SCHIP1: variants seen among roughly 807,000 people sequenced by gnomAD.
SCHIP1 encodes schwannomin-interacting protein 1.
Under a neutral mutation model 29.7 loss-of-function variants are expected in SCHIP1, and 8 were observed. The observed-to-expected ratio is 0.27, with a 90% CI of 0.16 to 0.49. The LOEUF is 0.49. Among genes scored for constraint, SCHIP1 ranks in the 20% least tolerant of loss-of-function variants. SCHIP1 has a pLI of 0.99. For missense variants in SCHIP1, 193 were observed against 294.6 expected, an observed-to-expected ratio of 0.66 and a Z score of 2.52; for synonymous variants, 76 against 94.9, an observed-to-expected ratio of 0.80 and a Z score of 1.16.
At chr3:159,697,547 G>A in the SCHIP1 span, among the ~76,000 whole-genome samples, 5 of 152,212 alleles carry the variant, frequency 3.3e-5, no homozygotes, top group Non-Finnish European at 7.3e-5. Flanking sequence ...TTCTGGAACA[G>A]AGTAGGTGCT....
chr3:159,610,010 G>A, the SCHIP1 span, among the ~76,000 whole-genome samples: 1 of 152,120 alleles, frequency 6.6e-6, no homozygotes, highest in African/African-American at 2.4e-5. Context: ...ACTATACTAA[G>A]CATTATTTTG....
At chr3:159,304,793 C>T in the SCHIP1 span, among the ~76,000 whole-genome samples, 1 of 152,146 alleles carries the variant, frequency 6.6e-6, no homozygotes, top group Admixed American at 6.5e-5. Flanking sequence ...ATCCTCAATT[C>T]TCATTATTTA....
At chr3:159,520,759 T>C in the SCHIP1 span, among the ~76,000 whole-genome samples, 2 of 152,264 alleles carry the variant, frequency 1.3e-5, no homozygotes, top group African/African-American at 4.8e-5. Context: ...TTTTAAAACA[T>C]GCCATCAATC....
chr3:159,749,593 T>C, the SCHIP1 span, among the ~76,000 whole-genome samples: 43 of 152,322 alleles, frequency 2.8e-4, 1 homozygote, highest in South Asian at 3.7e-3. Flanking sequence ...TGGAGAGCCA[T>C]GCAGAACCCC....
the SCHIP1 span, among the ~76,000 whole-genome samples, chr3:159,417,540 C>G: frequency 1.3e-5 from 2 of 152,146 alleles, no homozygotes; most frequent in Non-Finnish European, 2.9e-5. Context: ...TGGCATCCTT[C>G]TAAACATTTT....
At chr3:159,289,581 T>G in the SCHIP1 span, among the ~76,000 whole-genome samples, 2 of 152,222 alleles carry the variant, frequency 1.3e-5, no homozygotes, top group Non-Finnish European at 2.9e-5. Flanking sequence ...TCAAACTGCA[T>G]GCTAGTGTTT....
At chr3:159,390,126 T>G in the SCHIP1 span, among the ~76,000 whole-genome samples, 92 of 152,168 alleles carry the variant, frequency 6.0e-4, no homozygotes, top group Non-Finnish European at 1.2e-3. Flanking sequence ...ATTTAACATA[T>G]TATTGACTCC....
the SCHIP1 span, among the ~76,000 whole-genome samples, chr3:159,332,771 G>T: frequency 6.6e-6 from 1 of 152,176 alleles, no homozygotes; most frequent in Non-Finnish European, 1.5e-5. Flanking sequence ...GGGCCTTGGG[G>T]GTGGGCAGGG....
At chr3:159,778,377 C>CA in the SCHIP1 span, among the ~76,000 whole-genome samples, 1 of 152,104 alleles carries the variant, frequency 6.6e-6, no homozygotes, top group African/African-American at 2.4e-5. Flanking sequence ...AAAGATAGTA[C>CA]ACAGAGTTCT....
At chr3:159,742,847 T>C in the SCHIP1 span, among the ~76,000 whole-genome samples, 7 of 146,164 alleles carry the variant, frequency 4.8e-5, no homozygotes, top group South Asian at 1.5e-3. Context: ...TTTTTTTTTT[T>C]TTTTTTTTTT....
At chr3:159,432,331 TGTGTGTGTGAGAGA>T in the SCHIP1 span, among the ~76,000 whole-genome samples, 276 of 90,314 alleles carry the variant, frequency 3.1e-3, no homozygotes, top group African/African-American at 8.8e-3. Context: ...TGTGTGTGTG[TGTGTGTGTGAGAGA>T]GAGAGAGAGA....
chr3:159,580,226 C>T, the SCHIP1 span, among the ~76,000 whole-genome samples: 3 of 152,134 alleles, frequency 2.0e-5, no homozygotes, highest in African/African-American at 7.2e-5. Context: ...CAACTTTATC[C>T]TGAGGGCTCT....
chr3:159,744,458 G>A, the SCHIP1 span, among the ~76,000 whole-genome samples: 1 of 152,118 alleles, frequency 6.6e-6, no homozygotes. Flanking sequence ...TTGCTGACTA[G>A]AAAAAATTCT....
chr3:159,459,630 A>G, the SCHIP1 span, among the ~76,000 whole-genome samples: 5 of 152,138 alleles, frequency 3.3e-5, no homozygotes, highest in South Asian at 2.1e-4. Flanking sequence ...TAAGACTAAA[A>G]CTCAGGGTAG....
chr3:159,409,287 G>T, the SCHIP1 span, among the ~76,000 whole-genome samples: 2 of 151,756 alleles, frequency 1.3e-5, no homozygotes, highest in African/African-American at 4.8e-5. Flanking sequence ...TTCCTAGCTA[G>T]AGCAATCAGA....
the SCHIP1 span, among the ~76,000 whole-genome samples, chr3:159,705,924 C>G: frequency 1.3e-5 from 2 of 152,052 alleles, no homozygotes; most frequent in Non-Finnish European, 2.9e-5. Flanking sequence ...CCAGGCTGGT[C>G]TCGGAGTCCT....
At chr3:159,524,045 T>C in the SCHIP1 span, among the ~76,000 whole-genome samples, 1 of 152,196 alleles carries the variant, frequency 6.6e-6, no homozygotes, top group Non-Finnish European at 1.5e-5. Flanking sequence ...ACAAAACTTT[T>C]GATTCCTGAA....
the SCHIP1 span, among the ~76,000 whole-genome samples, chr3:159,504,371 G>C: frequency 2.6e-5 from 4 of 152,076 alleles, no homozygotes; most frequent in Admixed American, 6.6e-5. Flanking sequence ...AGAATTAGAG[G>C]TTTTTGTAAT....
the SCHIP1 span, among the ~76,000 whole-genome samples, chr3:159,631,083 C>A: frequency 7.9e-5 from 12 of 151,720 alleles, no homozygotes; most frequent in East Asian, 2.1e-3. Context: ...AGGTGCTGAA[C>A]ATCATTAGTA....
Sources: allele counts gnomAD v4.1 joint callset (sites outside exome capture counted in the v4.1 genomes callset), GRCh38; gene constraint gnomAD v4.1.1; transcripts MANE v1.5; gene names NCBI Gene and HGNC (gene_info 2026-07-23, HGNC 2026-07-21).